The following EXD1 variants were observed in gnomAD, a reference collection of about 807,000 sequenced individuals.
EXD1 encodes piRNA biogenesis protein EXD1.
Under a neutral mutation model 49.1 loss-of-function variants are expected in EXD1, and 63 were observed. The ratio of observed to expected loss-of-function variants is 1.28; its 90% CI spans 1.05 to 1.58. The LOEUF (loss-of-function observed/expected upper bound fraction) is 1.58, where lower values mean the gene tolerates loss of function less well. Ranked by LOEUF, EXD1 falls within the 40% of genes most tolerant of loss-of-function variation. The probability of loss-of-function intolerance (pLI) is 0.00; values close to 1 mark genes in which losing one functional copy is unlikely to be tolerated. For synonymous variants in EXD1, 234 were observed against 239.2 expected, an observed-to-expected ratio of 0.98 and a Z score of 0.20; for missense variants, 748 against 666.0, an observed-to-expected ratio of 1.12 and a Z score of -1.36.
intron 9 of EXD1, among the ~76,000 whole-genome samples, chr15:41,193,852 C>T (rs962041586): frequency 3.3e-5 from 5 of 151,904 alleles, no homozygotes; most frequent in Non-Finnish European, 5.9e-5. Flanking sequence ...GGTAGGCTGG[C>T]CAATGGCCCC....
At chr15:41,199,722 T>TTATATATCATATATATCA (rs1391239565) in intron 7 of EXD1, among the ~76,000 whole-genome samples, 5 of 94,634 alleles carry the variant, frequency 5.3e-5, no homozygotes, top group Non-Finnish European at 7.7e-5. Context: ...ATATGATATA[T>TTATATATCATATATATCA]TATATATGAT....
Position 41,184,473 on chromosome 15 carries a change from G to C in EXD1, c.1177C>G (p.Leu393Val). The C allele has an allele frequency of 6.2e-7, 1 of 1,614,100 alleles. No individual in the cohort carries two copies. Among genetic ancestry groups the C allele is most frequent in the Non-Finnish European group, 8.5e-7 (1 of 1,180,030 alleles). Reference sequence around the variant, plus strand: ...TCTGTCACTAATTTCTTTGGCTGTAGCACTGTCCTTATCAGGAGTCCCTGT... The same window carrying C: ...TCTGTCACTAATTTCTTTGGCTGTACCACTGTCCTTATCAGGAGTCCCTGT... ...NAQGLLIRTV[L>V]QPKKLVTETA... Residue 393 changes from leucine to valine, a missense_variant, in exon 12 of 12, where the codon CTA becomes GTA. By Grantham distance (32) the Leu-to-Val change is conservative (BLOSUM62 1). Coordinates refer to ENST00000458580, the MANE Select transcript of EXD1 (RefSeq NM_001286441.2).
At chr15:41,208,539 G>A (rs1465358003) in intron 7 of EXD1, among the ~76,000 whole-genome samples, 1 of 151,944 alleles carries the variant, frequency 6.6e-6, no homozygotes, top group African/African-American at 2.4e-5. Flanking sequence ...GATCACTTGA[G>A]ATCAGGAGTT....
intron 1 of EXD1, among the ~76,000 whole-genome samples, chr15:41,227,471 A>T (rs987551852): frequency 1.5e-4 from 23 of 152,144 alleles, no homozygotes; most frequent in African/African-American, 5.3e-4. Flanking sequence ...GGAGTTCCAG[A>T]CCAGCCTGAC....
chr15:41,188,583 G>A (rs1450586355), intron 11 of EXD1, among the ~76,000 whole-genome samples: 1 of 151,786 alleles, frequency 6.6e-6, no homozygotes, highest in Non-Finnish European at 1.5e-5. Flanking sequence ...TGTAGAGACG[G>A]GGTTTCACCA....
At position 41,184,191 on chromosome 15, in the gene EXD1, G is replaced by A. The variant is rs1201230768; in HGVS notation, c.1459C>T (p.His487Tyr). The A allele has an allele frequency of 1.2e-6, 2 of 1,614,168 alleles. No individual in the cohort carries two copies. Residue 487 changes from histidine to tyrosine, a missense_variant, in exon 12 of 12, where the codon CAC becomes TAC. Physicochemically the swap from His to Tyr is moderately conservative, Grantham distance 83. Coordinates refer to ENST00000458580, the MANE Select transcript of EXD1 (RefSeq NM_001286441.2). ...SEDQRITQKE[H>Y]FMTPKHEFQA... ...AACTCATGTTTGGGTGTCATAAAGTGTTCTTTCTGAGTTATTCTCTGGTCC... is the reference window on the plus strand; with the variant it reads ...AACTCATGTTTGGGTGTCATAAAGTATTCTTTCTGAGTTATTCTCTGGTCC...
intron 7 of EXD1, among the ~76,000 whole-genome samples, chr15:41,200,025 T>A (rs2140851987): frequency 6.6e-6 from 1 of 151,366 alleles, no homozygotes; most frequent in African/African-American, 2.4e-5. Flanking sequence ...TGCCTCAGCC[T>A]CCCAAGTAGC....
At chr15:41,215,511 A>G (rs956506315) in intron 6 of EXD1, among the ~76,000 whole-genome samples, 1 of 151,936 alleles carries the variant, frequency 6.6e-6, no homozygotes, top group Non-Finnish European at 1.5e-5. Flanking sequence ...ACGGTGAAAC[A>G]CTGTCTTTAC....
chr15:41,207,315 G>T (rs1264924889), intron 7 of EXD1, among the ~76,000 whole-genome samples: 1 of 151,976 alleles, frequency 6.6e-6, no homozygotes, highest in Non-Finnish European at 1.5e-5. Context: ...GCCAAGGCGG[G>T]TGGATCACCT....
intron 3 of EXD1, among the ~76,000 whole-genome samples, chr15:41,217,451 G>A: frequency 6.6e-6 from 1 of 151,276 alleles, no homozygotes; most frequent in Non-Finnish European, 1.5e-5. Flanking sequence ...GGTCATTCAA[G>A]TTAGTTCTAG....
At chr15:41,196,279 G>A (rs1343128841) in intron 7 of EXD1, among the ~76,000 whole-genome samples, 3 of 148,480 alleles carry the variant, frequency 2.0e-5, no homozygotes, top group Non-Finnish European at 3.0e-5. Flanking sequence ...CCTGATAGCT[G>A]TGATTACAGG....
chr15:41,210,504 C>A (rs2046905640), intron 6 of EXD1, among the ~76,000 whole-genome samples: 1 of 152,036 alleles, frequency 6.6e-6, no homozygotes, highest in Non-Finnish European at 1.5e-5. Flanking sequence ...CCAGACTGGG[C>A]AAAACAGTGT....
intron 2 of EXD1, among the ~76,000 whole-genome samples, chr15:41,225,740 T>C (rs2047153806): frequency 6.6e-6 from 1 of 151,748 alleles, no homozygotes; most frequent in African/African-American, 2.4e-5. Context: ...ATACAAAAAT[T>C]AGATAGGCAT....
intron 2 of EXD1, among the ~76,000 whole-genome samples, chr15:41,224,507 T>A (rs767576577): frequency 3.9e-5 from 6 of 152,074 alleles, no homozygotes; most frequent in Admixed American, 6.6e-5. Flanking sequence ...TATTGAAGCT[T>A]CCAGATTGGC....
chr15:41,195,639 GA>G, intron 9 of EXD1, 135 bp downstream of exon 9: 1 of 513,530 alleles, frequency 1.9e-6, no homozygotes, highest in Non-Finnish European at 3.2e-6. Context: ...CATTTTACAT[GA>G]AAAGTGAGCA....
At chr15:41,215,476 G>A (rs2046985563) in intron 6 of EXD1, among the ~76,000 whole-genome samples, 1 of 152,086 alleles carries the variant, frequency 6.6e-6, no homozygotes, top group Non-Finnish European at 1.5e-5. Context: ...CACGAGGTCA[G>A]GAGATCGAGA....
intron 1 of EXD1, among the ~76,000 whole-genome samples, chr15:41,229,009 T>C (rs574938867): frequency 6.6e-6 from 1 of 152,306 alleles, no homozygotes; most frequent in South Asian, 2.1e-4. Context: ...AGAGATGGGC[T>C]TCAAGGCTGA....
intron 7 of EXD1, among the ~76,000 whole-genome samples, chr15:41,199,822 T>TACA (rs141542856): frequency 2.3e-5 from 3 of 131,302 alleles, no homozygotes; most frequent in African/African-American, 5.7e-5. Flanking sequence ...CATATATAGA[T>TACA]ATATGTCAAT....
rs777407164 is a variant in EXD1, at chr15:41,189,954, G to A, written c.1039C>T (p.Arg347Trp). Residue 347 changes from arginine to tryptophan, a missense_variant, in exon 11 of 12, where the codon CGG becomes TGG. By Grantham distance (101) the Arg-to-Trp change is moderately radical. Coordinates refer to ENST00000458580, the MANE Select transcript of EXD1 (RefSeq NM_001286441.2). The stretch of plus-strand genomic sequence containing the variant: ...GCACCTACCTCAGTGCCTCCAAGCC[G>A]GTCTGCAGACCCTTCGCGATACGTG... ...LNTYREGSAD[R>W]LGGTEPTCME... is the part of the protein sequence containing the mutation. The A allele has an allele frequency of 2.5e-5, 40 of 1,613,874 alleles. No individual in the cohort carries two copies. Among genetic ancestry groups the A allele is most frequent in the Middle Eastern group, 1.6e-4 (1 of 6,082 alleles).
Sources: allele counts gnomAD v4.1 joint callset (sites outside exome capture counted in the v4.1 genomes callset), GRCh38; gene constraint gnomAD v4.1.1; transcripts MANE v1.5; gene names NCBI Gene and HGNC (gene_info 2026-07-23, HGNC 2026-07-21).